COL4A4: variants seen among roughly 807,000 people sequenced by gnomAD.
The protein encoded by COL4A4 is collagen type IV alpha 4 chain.
Under a neutral mutation model 192.9 loss-of-function variants are expected in COL4A4, and 105 were observed. The observed-to-expected ratio is 0.54, with a 90% CI of 0.46 to 0.64. The LOEUF is 0.64. Ranked by LOEUF, COL4A4 falls within the 30% of genes least tolerant of loss-of-function variation. The pLI, the probability that COL4A4 is intolerant of heterozygous loss-of-function variation, is 0.00. For missense variants in COL4A4, 1,967 were observed against 2,169.3 expected (o/e 0.91, Z 1.85); for synonymous variants, 762 against 769.9 (o/e 0.99, Z 0.17).
intron 44 of COL4A4, among the ~76,000 whole-genome samples, chr2:227,021,024 C>T (rs1298682601): frequency 2.6e-5 from 4 of 151,894 alleles, no homozygotes; most frequent in Non-Finnish European, 5.9e-5. Flanking sequence ...CGCCACCAAG[C>T]CCTGCTAATT....
intron 44 of COL4A4, among the ~76,000 whole-genome samples, chr2:227,020,425 GCACAAACACAGATGCAATGCAATAAACA>G (rs1361934180): frequency 6.6e-6 from 1 of 152,182 alleles, no homozygotes; most frequent in African/African-American, 2.4e-5. Context: ...TTAACCTGGT[GCACAAACACAGATGCAATGCAATAAACA>G]CACACAACGA....
chr2:227,116,394 T>C (rs113710518), intron 7 of COL4A4, among the ~76,000 whole-genome samples: 2 of 152,358 alleles, frequency 1.3e-5, no homozygotes, highest in African/African-American at 2.4e-5. Flanking sequence ...TCAGTTTCAA[T>C]GATTTCTGTC....
rs977730152 is a variant in COL4A4, at chr2:227,101,729, A to C, written c.975+136T>G. On this transcript the variant is annotated intron_variant, in intron 16 of 47. Coordinates refer to ENST00000396625, the MANE Select transcript of COL4A4 (RefSeq NM_000092.5). Reference sequence around the variant, plus strand: ...CTTCAATTTTTGCACCCACAGCTAAATCCTGCAATCCATAAAATGAATGTG... The same window carrying C: ...CTTCAATTTTTGCACCCACAGCTAACTCCTGCAATCCATAAAATGAATGTG... 9.0e-5 allele frequency: 94 copies of C among 1,042,714 alleles called. No individual in the cohort carries two copies. The East Asian group carries it at 2.4e-3, about 27-fold the overall frequency. The allele number at this position is 1,042,714 out of a possible 1,614,324, so 64.6% of individuals were successfully genotyped here.
chr2:227,027,074 G>A lies in COL4A4; in HGVS notation c.4081+828C>T, dbSNP rs138269313. 9.3e-3 allele frequency among the ~76,000 whole-genome samples: 1,409 copies of A among 152,100 alleles called. 21 individuals carry two copies. Among genetic ancestry groups the A allele is most frequent in the African/African-American group, 0.032 (1,327 of 41,470 alleles). ...GTTTGAGACCAGCCTTGCCAACATG[G>A]TGAAACTCTGTCTCTATTAAAATAC... On this transcript the variant is annotated intron_variant, in intron 42 of 47. Transcript: ENST00000396625.
downstream of COL4A4, among the ~76,000 whole-genome samples, chr2:226,999,680 G>A (rs933181307): frequency 6.6e-6 from 1 of 152,110 alleles, no homozygotes; most frequent in African/African-American, 2.4e-5. Context: ...ATTAAATTTG[G>A]TCATAATAGG....
intron 45 of COL4A4, among the ~76,000 whole-genome samples, chr2:227,011,291 C>G (rs1429863299): frequency 6.6e-6 from 1 of 152,178 alleles, no homozygotes; most frequent in Non-Finnish European, 1.5e-5. Flanking sequence ...CTCTCCCCAT[C>G]TACACTGTCA....
chr2:227,050,878 G>A, intron 33 of COL4A4, 99 bp downstream of exon 33: 1 of 1,379,472 alleles, frequency 7.2e-7, no homozygotes, highest in Non-Finnish European at 1.0e-6. Flanking sequence ...CCAGTGAAAG[G>A]GCAATGGTAT....
intron 40 of COL4A4, among the ~76,000 whole-genome samples, chr2:227,030,991 TAGATA>T (rs1360978096): frequency 2.0e-5 from 3 of 148,190 alleles, no homozygotes; most frequent in African/African-American, 5.0e-5. Context: ...GTTGGATGGA[TAGATA>T]AGATGGATGG....
chr2:227,046,456 C>A (rs982270444), intron 35 of COL4A4, among the ~76,000 whole-genome samples: 2 of 151,930 alleles, frequency 1.3e-5, no homozygotes, highest in African/African-American at 4.9e-5. Context: ...TTTAACCAGG[C>A]ATCTGTGAAT....
At chr2:227,092,011 A>G (rs934034043) in intron 20 of COL4A4, among the ~76,000 whole-genome samples, 1 of 152,208 alleles carries the variant, frequency 6.6e-6, no homozygotes, top group African/African-American at 2.4e-5. Context: ...GCAAGCCAGT[A>G]CAAATGTACC....
rs758199486 is a variant in COL4A4, at chr2:227,056,112, G to A, written c.2549C>T (p.Ala850Val). ...TCCCGGCTGTCCTTTCCCACCTGGA[G>A]CACCTAAGACAAACCACAGTGACCA... ...GLPGYPGSPG[A>V]PGGKGQPGDV... The change falls in exon 30 of 48, where the codon GCT (alanine) becomes GTT (valine). Residue 850 changes from alanine (A) to valine (V), a missense_variant. Transcript: ENST00000396625. 14 of 1,613,898 alleles carry A rather than the reference G, an allele frequency of 8.7e-6. No individual in the cohort carries two copies. The East Asian group carries it at 2.9e-4, about 33-fold the overall frequency.
At position 227,045,860 on chromosome 2, in the gene COL4A4, A is replaced by ATG. The variant is rs1559488320; in HGVS notation, c.3289+1614_3289+1615insCA. ...CACATATATATATACACATATATAT[A>ATG]TACACATATATATACATATATATGT... On this transcript the variant is annotated intron_variant, in intron 35 of 47. Transcript: ENST00000396625. 1.8e-3 allele frequency among the ~76,000 whole-genome samples: 159 copies of ATG among 90,284 alleles called. 19 individuals carry two copies. The highest frequency in any genetic ancestry group is 6.9e-3 in the African/African-American group (136 of 19,596). The allele number at this position is 90,284 out of a possible 152,430, so 59.2% of individuals were successfully genotyped here.
At chr2:227,060,295 G>T in intron 26 of COL4A4, 52 bp from the exon 27 acceptor site, 1 of 1,199,704 alleles carries the variant, frequency 8.3e-7, no homozygotes, top group Non-Finnish European at 1.2e-6. Context: ...AATCTAATGT[G>T]AACAAAATGA....
At chr2:227,012,721 A>C (rs1045905249) in intron 44 of COL4A4, among the ~76,000 whole-genome samples, 2 of 152,118 alleles carry the variant, frequency 1.3e-5, no homozygotes, top group Non-Finnish European at 2.9e-5. Context: ...TAGATGGAGA[A>C]ATGAATGAAA....
Position 227,028,172 on chromosome 2 carries a change from G to A in COL4A4, c.3974-163C>T, listed in dbSNP as rs541564786. ...TCGCCTTCTTCTGTGAGGCTTAGAC[G>A]GGTTGCCTCTGAAGGAAACACATGA... On this transcript the variant is annotated intron_variant, in intron 41 of 47. Transcript: ENST00000396625. Among the ~76,000 whole-genome samples, 113 of 152,240 alleles carry A rather than the reference G, an allele frequency of 7.4e-4. 1 individual carries two copies. The highest frequency in any genetic ancestry group is 2.3e-3 in the African/African-American group (96 of 41,550).
chr2:227,073,001 A>G (rs762222542), intron 25 of COL4A4, among the ~76,000 whole-genome samples: 12 of 152,028 alleles, frequency 7.9e-5, no homozygotes, highest in Non-Finnish European at 1.6e-4. Context: ...AAGGATGCCC[A>G]CTTTCACCAC....
chr2:227,112,343 ACTGCAAC>A (rs1453741594), intron 8 of COL4A4, among the ~76,000 whole-genome samples: 1 of 148,798 alleles, frequency 6.7e-6, no homozygotes, highest in Non-Finnish European at 1.5e-5. Flanking sequence ...ATCTCCCTTC[ACTGCAAC>A]CTCCACCTCC....
intron 28 of COL4A4, among the ~76,000 whole-genome samples, chr2:227,058,830 G>A (rs1445389742): frequency 6.6e-6 from 1 of 152,122 alleles, no homozygotes; most frequent in Non-Finnish European, 1.5e-5. Flanking sequence ...AAACTCCACT[G>A]GGGATCCTGA....
intron 1 of COL4A4, among the ~76,000 whole-genome samples, chr2:227,153,956 G>A (rs947088444): frequency 6.6e-6 from 1 of 151,986 alleles, no homozygotes; most frequent in African/African-American, 2.4e-5. Flanking sequence ...CAGAAGGCAT[G>A]GCCCCACCCT....
Sources: allele counts gnomAD v4.1 joint callset (sites outside exome capture counted in the v4.1 genomes callset), GRCh38; gene constraint gnomAD v4.1.1; transcripts MANE v1.5; gene names NCBI Gene and HGNC (gene_info 2026-07-23, HGNC 2026-07-21).